Variants in PRADC1 observed in about 807,000 individuals in gnomAD.
PRADC1 encodes protease-associated domain-containing protein 1.
Under a neutral mutation model 22.9 loss-of-function variants are expected in PRADC1, and 23 were observed. The ratio of observed to expected loss-of-function variants is 1.00; its 90% CI spans 0.72 to 1.42. The LOEUF (loss-of-function observed/expected upper bound fraction) is 1.42. PRADC1 is among the 40% of genes most tolerant of loss of function. The probability of loss-of-function intolerance (pLI) is 0.00; values close to 1 mark genes in which losing one functional copy is unlikely to be tolerated. For missense variants in PRADC1, 207 were observed against 258.3 expected, an observed-to-expected ratio of 0.80 and a Z score of 1.36; for synonymous variants, 71 against 100.3, an observed-to-expected ratio of 0.71 and a Z score of 1.75.
Position 73,228,416 on chromosome 2 carries a change from TCA to T in PRADC1, c.*36_*37del. On this transcript the variant is annotated 3_prime_UTR_variant, in exon 5 of 5. Coordinates refer to ENST00000258083, the MANE Select transcript of PRADC1 (RefSeq NM_032319.3). This position sits in a 1 kb window ranked among gnomAD's most constrained non-coding sequence, Gnocchi z 4.0. Reference sequence around the variant, plus strand: ...AATTCCTGGGTTTCCCCTTCCCAGCTCAGAGTCACTTATGGCTGGAATGTGGG... The same window carrying T: ...AATTCCTGGGTTTCCCCTTCCCAGCTGAGTCACTTATGGCTGGAATGTGGG... 1.2e-6 allele frequency: 2 copies of T among 1,612,294 alleles called. No homozygotes were observed. Among genetic ancestry groups the T allele is most frequent in the Admixed American group, 3.3e-5 (2 of 59,914 alleles).
intron 3 of PRADC1, 118 bp from the exon 4 acceptor site, chr2:73,229,080 G>A: frequency 1.2e-6 from 1 of 855,506 alleles, no homozygotes; most frequent in Non-Finnish European, 1.8e-6. Flanking sequence ...AGGCTCATAA[G>A]TAAATAGCTA....
intron 1 of PRADC1, among the ~76,000 whole-genome samples, chr2:73,231,980 T>C (rs990555061): frequency 1.3e-5 from 2 of 152,236 alleles, no homozygotes; most frequent in Admixed American, 6.5e-5. Context: ...TTTAATGTTG[T>C]ACCTGGACTT....
At position 73,228,616 on chromosome 2, in the gene PRADC1, G is replaced by C. The variant is rs1243490428; in HGVS notation, c.447-42C>G. On this transcript the variant is annotated intron_variant, in intron 4 of 4. Transcript: ENST00000258083. The surrounding 1 kb of genome is among the most constrained non-coding windows in gnomAD (Gnocchi z 4.0). ...AGAGGTGGTGACGGTCACTTTCTTG[G>C]TACCCCATCATGCCCCACTGTCCCC... The C allele has an allele frequency of 2.5e-6, 4 of 1,613,428 alleles. No homozygotes were observed. The African/African-American group carries it at 5.3e-5, about 22-fold the overall frequency.
Position 73,228,963 on chromosome 2 carries a change from C to T in PRADC1, c.279-1G>A. Reference sequence around the variant, plus strand: ...AGTCTTGGAGAGGAAGGAGCAGCCCCTGGAAGAGGTGGTGATAAGACCAAA... The same window carrying T: ...AGTCTTGGAGAGGAAGGAGCAGCCCTTGGAAGAGGTGGTGATAAGACCAAA... On this transcript the variant is annotated splice_acceptor_variant, in intron 3 of 4. Transcript: ENST00000258083. LOFTEE classifies it high-confidence loss of function. The surrounding 1 kb of genome is among the most constrained non-coding windows in gnomAD (Gnocchi z 4.0). The T allele has an allele frequency of 6.2e-7, 1 of 1,613,638 alleles. No individual in the cohort carries two copies. The highest frequency in any genetic ancestry group is 1.7e-5 in the Admixed American group (1 of 59,964).
chr2:73,228,415 CTCAGAG>C lies in PRADC1; in HGVS notation c.*33_*38del, dbSNP rs765170509. On this transcript the variant is annotated 3_prime_UTR_variant, in exon 5 of 5. Transcript: ENST00000258083. This position sits in a 1 kb window ranked among gnomAD's most constrained non-coding sequence, Gnocchi z 4.0. ...AAATTCCTGGGTTTCCCCTTCCCAG[CTCAGAG>C]TCACTTATGGCTGGAATGTGGGACA... The C allele has an allele frequency of 9.9e-6, 16 of 1,612,278 alleles. No individual in the cohort carries two copies. Among genetic ancestry groups the C allele is most frequent in the Non-Finnish European group, 1.3e-5 (15 of 1,179,594 alleles).
intron 1 of PRADC1, among the ~76,000 whole-genome samples, chr2:73,232,075 C>T (rs1188436405): frequency 6.6e-6 from 1 of 152,152 alleles, no homozygotes; most frequent in South Asian, 2.1e-4. Flanking sequence ...GTGGCTCACG[C>T]CTGTAATCCC....
In PRADC1 at chr2:73,228,872, G is replaced by A. The variant is rs1184594036; in HGVS notation, c.369C>T (p.Ser123=). 4 of 1,613,488 alleles carry A rather than the reference G, an allele frequency of 2.5e-6. No homozygotes were observed. Among genetic ancestry groups the A allele is most frequent in the Non-Finnish European group, 2.5e-6 (3 of 1,179,960 alleles). Residue 123 remains serine (S), a synonymous_variant, in exon 4 of 5, where the codon AGC becomes AGT. Transcript: ENST00000258083. The surrounding 1 kb of genome is among the most constrained non-coding windows in gnomAD (Gnocchi z 4.0). ...TGTCCTGGATCATCTCCACGTAGAAGCTGTCATTGTCAACTGCGTTGTCAG... is the reference window on the plus strand; with the variant it reads ...TGTCCTGGATCATCTCCACGTAGAAACTGTCATTGTCAACTGCGTTGTCAG... ...IISDNAVDND[S]FYVEMIQDST...
At chr2:73,230,716 G>A (rs919522268) in intron 1 of PRADC1, among the ~76,000 whole-genome samples, 3 of 152,208 alleles carry the variant, frequency 2.0e-5, no homozygotes, top group African/African-American at 4.8e-5. Flanking sequence ...GCAATTATGA[G>A]CACATCACCA....
In PRADC1 at chr2:73,229,582, T is replaced by A; in HGVS notation, c.169-12A>T. On this transcript the variant is annotated splice_polypyrimidine_tract_variant and intron_variant, in intron 2 of 4. Transcript: ENST00000258083. ...TCATACCTTGTGTGCTGAAAAACATTTAACATTTGGACAGGTGAGAGTGTA... is the reference window on the plus strand; with the variant it reads ...TCATACCTTGTGTGCTGAAAAACATATAACATTTGGACAGGTGAGAGTGTA... 1 of 1,607,016 alleles carries A rather than the reference T, an allele frequency of 6.2e-7. No homozygotes were observed. The highest frequency in any genetic ancestry group is 8.5e-7 in the Non-Finnish European group (1 of 1,173,578).
At chr2:73,229,866 G>C (rs1558556269) in intron 2 of PRADC1, 11 of 585,110 alleles carry the variant, frequency 1.9e-5, no homozygotes, top group Non-Finnish European at 9.1e-6. Context: ...AGAGGAAGCT[G>C]GTGCTCTTGG....
Position 73,228,332 on chromosome 2 carries a change from CT to C in PRADC1, c.*121del, listed in dbSNP as rs1686555901. 3 of 1,316,112 alleles carry C rather than the reference CT, an allele frequency of 2.3e-6. No individual in the cohort carries two copies. The highest frequency in any genetic ancestry group is 5.0e-5 in the East Asian group (2 of 40,010). The allele number at this position is 1,316,112 out of a possible 1,614,324, so 81.5% of individuals were successfully genotyped here. A position where few individuals can be genotyped will look rare whatever the true frequency, so the allele number is the denominator to read the frequency against. On this transcript the variant is annotated 3_prime_UTR_variant, in exon 5 of 5. Transcript: ENST00000258083. The surrounding 1 kb of genome is among the most constrained non-coding windows in gnomAD (Gnocchi z 4.0). ...CTTTCAGCCTAGCAACGCCCAAACC[CT>C]TTTCCTCTACCTGGCTCCACTTGTC...
Position 73,228,935 on chromosome 2 carries a change from C to T in PRADC1, c.306G>A (p.Arg102=), listed in dbSNP as rs1462313574. The T allele has an allele frequency of 6.2e-7, 1 of 1,613,954 alleles. No homozygotes were observed. Among genetic ancestry groups the T allele is most frequent in the South Asian group, 1.1e-5 (1 of 91,004 alleles). ...CCCGCCCGCCGTGCTCCTGGACCAC[C>T]CGAGTCTTGGAGAGGAAGGAGCAGC... The part of the protein sequence containing the change: ...RGGCSFLSKT[R]VVQEHGGRAV... The change falls in exon 4 of 5, where the codon CGG becomes CGA. Residue 102 remains arginine (R), a synonymous_variant. Transcript: ENST00000258083. This position sits in a 1 kb window ranked among gnomAD's most constrained non-coding sequence, Gnocchi z 4.0.
chr2:73,229,411 A>G (rs767261097), intron 3 of PRADC1, 50 bp downstream of exon 3: 1 of 1,191,546 alleles, frequency 8.4e-7, no homozygotes, highest in Non-Finnish European at 1.2e-6. Context: ...TAATCTCAGA[A>G]TCTGCCGTAT....
At chr2:73,233,045 T>G in intron 1 of PRADC1, 49 bp downstream of exon 1, 1 of 1,520,660 alleles carries the variant, frequency 6.6e-7, no homozygotes, top group Non-Finnish European at 8.8e-7. Flanking sequence ...GCGCGCAAGC[T>G]GGACGGCCAG....
At chr2:73,231,415 G>A (rs926444041) in intron 1 of PRADC1, among the ~76,000 whole-genome samples, 3 of 150,322 alleles carry the variant, frequency 2.0e-5, no homozygotes, top group African/African-American at 7.4e-5. Context: ...CACCGCGCCC[G>A]GCCTCTTTTT....
chr2:73,228,525 T>C lies in PRADC1; in HGVS notation c.496A>G (p.Ile166Val). The C allele has an allele frequency of 6.2e-7, 1 of 1,614,128 alleles. No homozygotes were observed. Residue 166 changes from isoleucine to valine, a missense_variant, in exon 5 of 5, where the codon ATT (isoleucine) becomes GTT (valine). Physicochemically the swap from Ile to Val is conservative, Grantham distance 29. Transcript: ENST00000258083. This position sits in a 1 kb window ranked among gnomAD's most constrained non-coding sequence, Gnocchi z 4.0. The stretch of plus-strand genomic sequence containing the variant: ...CTGGTGACATTGACTGGGATGGAAA[T>C]GATGGCCCATGGCAGCCCATGCTGT... The part of the protein sequence containing the change: ...LEQHGLPWAI[I>V]SIPVNVTSIP...
chr2:73,229,243 G>A (rs931925164), intron 3 of PRADC1, among the ~76,000 whole-genome samples: 1 of 151,862 alleles, frequency 6.6e-6, no homozygotes, highest in African/African-American at 2.4e-5. Context: ...CCTCAGCCTC[G>A]AGTAGCTGGG....
rs187710344 is a variant in PRADC1, at chr2:73,229,620, T to C, written c.169-50A>G. ...AGGTGAGAGTGTAATGAGACACACC[T>C]GCTTTAGGACTGGGCTGACAATCCC... On this transcript the variant is annotated intron_variant, in intron 2 of 4. Coordinates refer to ENST00000258083, the MANE Select transcript of PRADC1 (RefSeq NM_032319.3). The C allele has an allele frequency of 7.9e-4, 1,119 of 1,415,950 alleles. 1 individual carries two copies. The highest frequency in any genetic ancestry group is 1.4e-3 in the Admixed American group (85 of 59,608). 87.7% of individuals were successfully genotyped at this position (1,415,950 alleles called of 1,614,324 possible). A position where few individuals can be genotyped will look rare whatever the true frequency, so the allele number is the denominator to read the frequency against.
At chr2:73,232,981 C>A (rs1686691863) in intron 1 of PRADC1, 113 bp downstream of exon 1, 1 of 1,280,970 alleles carries the variant, frequency 7.8e-7, no homozygotes, top group Non-Finnish European at 1.1e-6. Context: ...CCAGACCTGT[C>A]CTGCTCTGAA....
Sources: gnomAD v4.1 joint callset for allele counts (sites outside exome capture counted in the v4.1 genomes callset) on GRCh38, gnomAD v4.1.1 for gene constraint, Gnocchi (gnomAD v3.1) non-coding constraint, MANE v1.5 for transcripts, NCBI Gene and HGNC (gene_info 2026-07-23, HGNC 2026-07-21) for gene names.